The following ABCA10 variants were observed in gnomAD, a reference collection of about 807,000 sequenced individuals.
ABCA10 encodes ATP-binding cassette sub-family A member 10.
A neutral mutation model predicts 187.5 loss-of-function variants in ABCA10; 169 were observed. That is an observed-to-expected ratio of 0.90 (90% CI 0.80 to 1.02). The LOEUF (loss-of-function observed/expected upper bound fraction) is 1.02. Ranked by LOEUF, ABCA10 falls within the 50% of genes least tolerant of loss-of-function variation. The pLI is 0.00. For synonymous variants in ABCA10, 574 were observed against 601.8 expected (o/e 0.95, Z 0.68); for missense variants, 1,727 against 1,812.4 (o/e 0.95, Z 0.86).
At chr17:69,221,018 G>C (rs1407753267) in intron 5 of ABCA10, among the ~76,000 whole-genome samples, 1 of 152,114 alleles carries the variant, frequency 6.6e-6, no homozygotes, top group Non-Finnish European at 1.5e-5. Flanking sequence ...AGAAGTACGG[G>C]AATAAATGAG....
chr17:69,158,470 A>G (rs1236073525), intron 27 of ABCA10, among the ~76,000 whole-genome samples: 2 of 151,934 alleles, frequency 1.3e-5, no homozygotes, highest in Non-Finnish European at 2.9e-5. Flanking sequence ...ACAAAATTTT[A>G]TGGCAAATAA....
At chr17:69,228,012 A>T (rs1243679127) in intron 1 of ABCA10, among the ~76,000 whole-genome samples, 1 of 152,012 alleles carries the variant, frequency 6.6e-6, no homozygotes, top group African/African-American at 2.4e-5. Context: ...GTCCATTTGA[A>T]TAAATGTTGA....
intron 1 of ABCA10, 51 bp downstream of exon 1, chr17:69,228,530 T>C (rs560282841): frequency 1.3e-5 from 2 of 152,162 alleles, no homozygotes; most frequent in African/African-American, 4.8e-5. Context: ...ATATACTTTA[T>C]ATCTTTAAAA....
intron 6 of ABCA10, among the ~76,000 whole-genome samples, chr17:69,218,654 CATAG>C (rs2144843310): frequency 6.7e-6 from 1 of 149,326 alleles, no homozygotes; most frequent in African/African-American, 2.6e-5. Context: ...AGATGGAGAG[CATAG>C]ATATATATAT....
chr17:69,169,243 A>G lies in ABCA10; in HGVS notation c.3163-4160T>C, dbSNP rs190628181. ...CCACTGAGGATTAAAACCTGGGGCTATCTAACTCTAGAGCCAAAATTCTTA... is the reference window on the plus strand; with the variant it reads ...CCACTGAGGATTAAAACCTGGGGCTGTCTAACTCTAGAGCCAAAATTCTTA... On this transcript the variant is annotated intron_variant, in intron 25 of 38. Transcript: ENST00000690296. 3.3e-4 allele frequency among the ~76,000 whole-genome samples: 50 copies of G among 152,344 alleles called. 1 individual carries two copies. Among genetic ancestry groups the G allele is most frequent in the African/African-American group, 1.2e-3 (49 of 41,580 alleles).
chr17:69,169,802 C>G (rs1050491738), intron 25 of ABCA10, among the ~76,000 whole-genome samples: 3 of 152,028 alleles, frequency 2.0e-5, no homozygotes, highest in African/African-American at 7.2e-5. Flanking sequence ...TCCGTATGTA[C>G]AAGAAAAATT....
At chr17:69,184,779 T>A (rs9892172) in intron 20 of ABCA10, among the ~76,000 whole-genome samples, 2 of 151,384 alleles carry the variant, frequency 1.3e-5, no homozygotes, top group Admixed American at 6.6e-5. Context: ...TTCACAATTG[T>A]GAAAATATGG....
Position 69,152,432 on chromosome 17 carries a change from T to A in ABCA10, c.4186A>T (p.Thr1396Ser). 6.2e-7 allele frequency: 1 copy of A among 1,614,000 alleles called. No homozygotes were observed. The highest frequency in any genetic ancestry group is 8.5e-7 in the Non-Finnish European group (1 of 1,179,926). Residue 1396 changes from threonine to serine, a missense_variant, in exon 35 of 39, where the codon ACC (threonine) becomes TCC (serine). Thr to Ser is a moderately conservative substitution (Grantham distance 58). Transcript: ENST00000690296. The part of the protein sequence containing the change: ...VKNKERGTLL[T>S]THYMSEAEAV... ...TCAGCCTCTGACATGTAATGGGTGG[T>A]CAAGAGGGTGCCCCTCTCCTTGTTT...
chr17:69,213,154 A>G (rs1428037976), intron 9 of ABCA10, among the ~76,000 whole-genome samples: 1 of 152,016 alleles, frequency 6.6e-6, no homozygotes, highest in African/African-American at 2.4e-5. Flanking sequence ...GCTTGAGTTC[A>G]TTGGCCTCCA....
chr17:69,231,944 T>C (rs2074834840), upstream of ABCA10, among the ~76,000 whole-genome samples: 1 of 152,166 alleles, frequency 6.6e-6, no homozygotes, highest in South Asian at 2.1e-4. Context: ...GTTGAGTACA[T>C]ATGTATTTAT....
intron 1 of ABCA10, among the ~76,000 whole-genome samples, chr17:69,236,921 T>C (rs1022525880): frequency 2.6e-5 from 4 of 152,200 alleles, no homozygotes; most frequent in Non-Finnish European, 5.9e-5. Flanking sequence ...AAGGTTAAGA[T>C]ACCCTGTATT....
chr17:69,226,757 G>A (rs993618242), intron 2 of ABCA10, among the ~76,000 whole-genome samples: 4 of 151,800 alleles, frequency 2.6e-5, no homozygotes, highest in African/African-American at 7.2e-5. Context: ...GTTTGCCCAC[G>A]TAAAAATCTA....
At chr17:69,186,548 G>A (rs1028492661) in intron 19 of ABCA10, among the ~76,000 whole-genome samples, 16 of 151,952 alleles carry the variant, frequency 1.1e-4, no homozygotes, top group African/African-American at 3.6e-4. Context: ...TTTCTACTCC[G>A]CTCCACAGTC....
In ABCA10 at chr17:69,239,804, T is replaced by C. The variant is rs193147012; in HGVS notation, c.-593+4725A>G. ...CACAGGACAGCCACCTCTAGCTGTA[T>C]AGTGACGTTGGCGTGCCCTTCAATA... On this transcript the variant is annotated intron_variant, in intron 1 of 39. Coordinates refer to the ABCA10 transcript ENST00000269081. Among the ~76,000 whole-genome samples, 9 of 152,316 alleles carry C rather than the reference T, an allele frequency of 5.9e-5. No individual in the cohort carries two copies. In the East Asian group the frequency reaches 7.7e-4, roughly 13 times the overall value.
At position 69,150,169 on chromosome 17, in the gene ABCA10, GTGTC is replaced by G. The variant is rs1220429243; in HGVS notation, c.4398-110_4398-107del. 4 of 764,084 alleles carry G rather than the reference GTGTC, an allele frequency of 5.2e-6. No homozygotes were observed. In the African/African-American group the frequency reaches 7.0e-5, roughly 13 times the overall value. The allele number at this position is 764,084 out of a possible 1,614,324, so 47.3% of individuals were successfully genotyped here. ...ATTTTTCAATGTGTTCTTTAAATAA[GTGTC>G]TGATTTGATATAGCATGAATCAGTG... is the stretch of plus-strand genomic sequence containing the variant. On this transcript the variant is annotated intron_variant, in intron 36 of 38. Coordinates refer to ENST00000690296, the MANE Select transcript of ABCA10 (RefSeq NM_001377321.1).
At chr17:69,221,711 A>T (rs770526353) in intron 5 of ABCA10, 81 bp downstream of exon 5, 11 of 1,250,058 alleles carry the variant, frequency 8.8e-6, no homozygotes, top group Non-Finnish European at 1.2e-5. Context: ...AGAGTGTAAG[A>T]GTAAGGTAGG....
At chr17:69,214,237 C>T (rs1334690104) in intron 9 of ABCA10, among the ~76,000 whole-genome samples, 1 of 152,170 alleles carries the variant, frequency 6.6e-6, no homozygotes, top group Non-Finnish European at 1.5e-5. Context: ...TCAGTTCGGC[C>T]GGGCGCGGTG....
intron 20 of ABCA10, 27 bp from the exon 21 acceptor site, chr17:69,182,835 GAAAAAAA>G: frequency 7.5e-7 from 1 of 1,325,832 alleles, no homozygotes; most frequent in Non-Finnish European, 1.0e-6. Flanking sequence ...AAGGCAACAA[GAAAAAAA>G]AAAAAAAAGC....
In ABCA10 at chr17:69,192,704, T is replaced by C. The variant is rs778841131; in HGVS notation, c.1781-51A>G. The C allele has an allele frequency of 9.0e-6, 13 of 1,439,380 alleles. No individual in the cohort carries two copies. In the East Asian group the frequency reaches 1.6e-4, roughly 18 times the overall value. 89.2% of individuals were successfully genotyped at this position (1,439,380 alleles called of 1,614,324 possible). On this transcript the variant is annotated intron_variant, in intron 15 of 38. Coordinates refer to ENST00000690296, the MANE Select transcript of ABCA10 (RefSeq NM_001377321.1). ...ATTATGTGAAGAGTAATTCCTTATA[T>C]GGTATATTCTCTACTTTGGATACTA...
Sources: allele counts gnomAD v4.1 joint callset (sites outside exome capture counted in the v4.1 genomes callset), GRCh38; gene constraint gnomAD v4.1.1; transcripts MANE v1.5; gene names NCBI Gene and HGNC (gene_info 2026-07-23, HGNC 2026-07-21).